The following SND1 variants were observed in gnomAD, a reference collection of about 807,000 sequenced individuals.
SND1 encodes staphylococcal nuclease and tudor domain containing 1, also known as staphylococcal nuclease domain-containing protein 1.
A neutral mutation model predicts 121.7 loss-of-function variants in SND1; 38 were observed. That is an observed-to-expected ratio of 0.31 (90% confidence interval 0.24 to 0.41). SND1 has a LOEUF of 0.41. Among genes scored for constraint, SND1 ranks in the 10% least tolerant of loss-of-function variants. SND1 has a pLI of 1.00. For synonymous variants in SND1, 401 were observed against 447.4 expected, an observed-to-expected ratio of 0.90 and a Z score of 1.31; for missense variants, 868 against 1,184.6, an observed-to-expected ratio of 0.73 and a Z score of 3.92.
intron 12 of SND1, among the ~76,000 whole-genome samples, chr7:127,881,928 C>A (rs1002244887): frequency 3.9e-5 from 6 of 152,066 alleles, no homozygotes; most frequent in African/African-American, 1.4e-4. Flanking sequence ...CGTGAGCCAC[C>A]CCAACAGCCA....
intron 15 of SND1, among the ~76,000 whole-genome samples, chr7:127,947,130 C>G (rs1801345985): frequency 6.6e-6 from 1 of 152,084 alleles, no homozygotes; most frequent in African/African-American, 2.4e-5. Context: ...AATTCCAGAC[C>G]AACTGTGAGG....
chr7:127,754,983 T>C (rs114013162), intron 10 of SND1, among the ~76,000 whole-genome samples: 230 of 152,340 alleles, frequency 1.5e-3, no homozygotes, highest in African/African-American at 5.0e-3. Context: ...ATAAATTACT[T>C]TGGGTCTGTG....
chr7:127,934,162 T>C (rs1801007545), intron 15 of SND1, among the ~76,000 whole-genome samples: 1 of 149,216 alleles, frequency 6.7e-6, no homozygotes, highest in African/African-American at 2.5e-5. Flanking sequence ...TACATATGAG[T>C]TTACTGTGTT....
chr7:127,871,483 C>T (rs1799585384), intron 12 of SND1, among the ~76,000 whole-genome samples: 2 of 152,092 alleles, frequency 1.3e-5, no homozygotes, highest in Admixed American at 1.3e-4. Context: ...TTTTTTAGCT[C>T]CATTATAATC....
intron 8 of SND1, 47 bp downstream of exon 8, chr7:127,704,992 T>A (rs377273189): frequency 1.0e-5 from 15 of 1,497,016 alleles, no homozygotes; most frequent in Non-Finnish European, 1.4e-5. Context: ...TTGTTAAGGA[T>A]CTTTAGGGAA....
chr7:127,782,635 A>C (rs369804731), intron 10 of SND1, among the ~76,000 whole-genome samples: 3 of 152,178 alleles, frequency 2.0e-5, no homozygotes, highest in Non-Finnish European at 4.4e-5. Context: ...TTAGGTCTTT[A>C]AAGTTGTATG....
rs1056990394 is a variant in SND1, at chr7:127,672,231, C to A, written c.79-14382C>A. Among the ~76,000 whole-genome samples the A allele has an allele frequency of 3.9e-5, 6 of 152,172 alleles. No individual in the cohort carries two copies. The South Asian group carries it at 6.2e-4, about 16-fold the overall frequency. ...TCCCATATACCATATCCCTTTCATA[C>A]TTTAATACTTCTAACTATTGTCTTA... On this transcript the variant is annotated intron_variant, in intron 1 of 23. Transcript: ENST00000354725.
intron 16 of SND1, among the ~76,000 whole-genome samples, chr7:128,025,973 T>C (rs1803466600): frequency 6.6e-6 from 1 of 152,040 alleles, no homozygotes; most frequent in South Asian, 2.1e-4. Flanking sequence ...CCCTTAGTCA[T>C]TGCAAAGTTA....
At chr7:127,961,472 A>G (rs1801729138) in intron 15 of SND1, among the ~76,000 whole-genome samples, 1 of 152,250 alleles carries the variant, frequency 6.6e-6, no homozygotes, top group Admixed American at 6.5e-5. Flanking sequence ...AACAAATAAA[A>G]TTAAATTCTT....
At chr7:127,962,976 T>C (rs1360969994) in intron 15 of SND1, among the ~76,000 whole-genome samples, 5 of 152,240 alleles carry the variant, frequency 3.3e-5, no homozygotes. Context: ...GAGTAGAACA[T>C]ATTTTCTTCC....
Position 127,964,096 on chromosome 7 carries a change from G to A in SND1, c.1670-26851G>A, listed in dbSNP as rs1005237916. Among the ~76,000 whole-genome samples the A allele has an allele frequency of 6.0e-5, 9 of 148,940 alleles. No homozygotes were observed. The East Asian group carries it at 1.8e-3, about 29-fold the overall frequency. Reference sequence around the variant, plus strand: ...CATGTCCTTCGCCCACTTTTTGATGGGGTTGTTTGTTTTTTTCTTGTAAAT... The same window carrying A: ...CATGTCCTTCGCCCACTTTTTGATGAGGTTGTTTGTTTTTTTCTTGTAAAT... On this transcript the variant is annotated intron_variant, in intron 15 of 23. Transcript: ENST00000354725.
intron 16 of SND1, among the ~76,000 whole-genome samples, chr7:127,994,977 C>G (rs1489542826): frequency 6.6e-6 from 1 of 152,150 alleles, no homozygotes; most frequent in East Asian, 1.9e-4. Context: ...CTACCTCAGC[C>G]TCCCAAAGTG....
intron 16 of SND1, chr7:128,027,402 AC>A (rs1205497360): frequency 1.3e-5 from 2 of 152,524 alleles, no homozygotes; most frequent in Non-Finnish European, 2.9e-5. Context: ...GTCACTTGTA[AC>A]TGTGGATCTC....
chr7:127,844,965 C>T (rs1035362614), intron 12 of SND1, among the ~76,000 whole-genome samples: 1 of 152,158 alleles, frequency 6.6e-6, no homozygotes, highest in East Asian at 1.9e-4. Flanking sequence ...AGGAGGAAGC[C>T]TGCTGGGCCC....
chr7:127,760,126 A>C (rs535680525), intron 10 of SND1, among the ~76,000 whole-genome samples: 4 of 152,330 alleles, frequency 2.6e-5, no homozygotes, highest in Admixed American at 6.5e-5. Flanking sequence ...CCAACATGCC[A>C]GACTTGCTCT....
chr7:127,697,012 G>A (rs1408485186), intron 3 of SND1, among the ~76,000 whole-genome samples: 1 of 152,090 alleles, frequency 6.6e-6, no homozygotes, highest in East Asian at 1.9e-4. Flanking sequence ...GAAAACAGTG[G>A]CTTAGATAAT....
rs1209142888 is a variant in SND1, at chr7:128,029,578, T to C, written c.1779+38522T>C. Reference sequence around the variant, plus strand: ...TTGAGGTCTCGAGGTGCGTCCATGATGAAGGGGGCAGAGCACTGGAAGGAG... The same window carrying C: ...TTGAGGTCTCGAGGTGCGTCCATGACGAAGGGGGCAGAGCACTGGAAGGAG... On this transcript the variant is annotated intron_variant, in intron 16 of 23. Coordinates refer to ENST00000354725, the MANE Select transcript of SND1 (RefSeq NM_014390.4). This position sits in a 1 kb window ranked among gnomAD's most constrained non-coding sequence, Gnocchi z 4.2. The C allele has an allele frequency of 2.5e-6, 4 of 1,613,802 alleles. No individual in the cohort carries two copies. Among genetic ancestry groups the C allele is most frequent in the African/African-American group, 2.7e-5 (2 of 74,872 alleles).
chr7:128,078,205 G>C (rs1793538026), intron 17 of SND1, among the ~76,000 whole-genome samples: 1 of 152,220 alleles, frequency 6.6e-6, no homozygotes, highest in Admixed American at 6.5e-5. Context: ...TTCCCACCAA[G>C]GTGCCACCTG....
At chr7:128,074,907 C>T (rs1050425442) in intron 17 of SND1, among the ~76,000 whole-genome samples, 4 of 152,200 alleles carry the variant, frequency 2.6e-5, no homozygotes, top group African/African-American at 9.7e-5. Flanking sequence ...TGAGGTGGGC[C>T]TGGGCTGCCA....
Sources: allele counts gnomAD v4.1 joint callset (sites outside exome capture counted in the v4.1 genomes callset), GRCh38; gene constraint gnomAD v4.1.1; non-coding constraint Gnocchi (gnomAD v3.1); transcripts MANE v1.5; gene names NCBI Gene and HGNC (gene_info 2026-07-23, HGNC 2026-07-21).